Variants in PTPN12 observed in about 807,000 individuals in gnomAD.
The protein encoded by PTPN12 is tyrosine-protein phosphatase non-receptor type 12.
In PTPN12, 29 loss-of-function variants were observed where a neutral mutation model predicts 97.6. The ratio of observed to expected loss-of-function variants is 0.30; its 90% CI spans 0.22 to 0.41. PTPN12 has a LOEUF of 0.41. Among genes scored for constraint, PTPN12 ranks in the 10% least tolerant of loss-of-function variants. The pLI, the probability that PTPN12 is intolerant of heterozygous loss-of-function variation, is 1.00. For synonymous variants in PTPN12, 327 were observed against 300.4 expected (o/e 1.09, Z -0.91); for missense variants, 819 against 926.0 (o/e 0.88, Z 1.50).
chr7:77,638,475 T>A, intron 16 of PTPN12, 149 bp from the exon 17 acceptor site: 2 of 1,217,748 alleles, frequency 1.6e-6, no homozygotes, highest in Non-Finnish European at 2.1e-6. Flanking sequence ...TACACTTGTA[T>A]TTATATTGTT....
intron 6 of PTPN12, among the ~76,000 whole-genome samples, chr7:77,593,513 G>A (rs1356363125): frequency 6.6e-6 from 1 of 152,234 alleles, no homozygotes; most frequent in Non-Finnish European, 1.5e-5. Flanking sequence ...TGGAGACCCA[G>A]GAGAGCTGAT....
At chr7:77,539,134 T>G (rs1806824652) in intron 1 of PTPN12, among the ~76,000 whole-genome samples, 1 of 152,184 alleles carries the variant, frequency 6.6e-6, no homozygotes, top group East Asian at 1.9e-4. Flanking sequence ...TTTTTCACGT[T>G]TTAAAGAGAC....
chr7:77,638,942 G>T, intron 17 of PTPN12: 1 of 881,564 alleles, frequency 1.1e-6, no homozygotes, highest in Non-Finnish European at 1.6e-6. Flanking sequence ...AAAATCTTTT[G>T]TGTTGGAAAG....
intron 11 of PTPN12, among the ~76,000 whole-genome samples, chr7:77,616,635 C>T (rs981870882): frequency 1.3e-5 from 2 of 152,178 alleles, no homozygotes; most frequent in Non-Finnish European, 2.9e-5. Context: ...ATGTTAGAAA[C>T]AGTTCAAAAG....
intron 2 of PTPN12, among the ~76,000 whole-genome samples, chr7:77,576,853 C>T (rs768444129): frequency 1.3e-5 from 2 of 152,196 alleles, no homozygotes; most frequent in African/African-American, 2.4e-5. Context: ...AAGGGTGCCA[C>T]TTAACAAACT....
intron 2 of PTPN12, among the ~76,000 whole-genome samples, chr7:77,572,738 T>C (rs755602507): frequency 2.0e-5 from 3 of 152,286 alleles, no homozygotes; most frequent in African/African-American, 7.2e-5. Flanking sequence ...ATGGAGATTA[T>C]AATAATACTT....
chr7:77,582,783 CAA>C (rs374857749), intron 3 of PTPN12, among the ~76,000 whole-genome samples: 9 of 98,700 alleles, frequency 9.1e-5, no homozygotes, highest in East Asian at 2.9e-4. Context: ...GACTCCGTCT[CAA>C]AAAAAAAAAA....
chr7:77,637,061 A>ATT lies in PTPN12; in HGVS notation c.2173+22_2173+23dup. On this transcript the variant is annotated intron_variant, in intron 16 of 17. Coordinates refer to ENST00000248594, the MANE Select transcript of PTPN12 (RefSeq NM_002835.4). ...AATGAGAAATGTGGTAAGTTGTTAG[A>ATT]TTTTTTTTTTCCTTTTTACTGTAGA... is the stretch of plus-strand genomic sequence containing the variant. 10 of 1,541,528 alleles carry ATT rather than the reference A, an allele frequency of 6.5e-6. No individual in the cohort carries two copies. The highest frequency in any genetic ancestry group is 1.4e-5 in the African/African-American group (1 of 72,724).
At chr7:77,597,222 C>A (rs1021115227) in intron 6 of PTPN12, among the ~76,000 whole-genome samples, 1 of 152,202 alleles carries the variant, frequency 6.6e-6, no homozygotes, top group African/African-American at 2.4e-5. Flanking sequence ...CTCCTGGGTT[C>A]AAGCAATTCT....
intron 5 of PTPN12, among the ~76,000 whole-genome samples, chr7:77,586,583 A>C (rs1787700028): frequency 6.6e-6 from 1 of 152,160 alleles, no homozygotes; most frequent in Admixed American, 6.5e-5. Context: ...TCCACCTATA[A>C]AAACATAAAA....
Position 77,559,132 on chromosome 7 carries a change from C to G in PTPN12, c.100-11946C>G, listed in dbSNP as rs76289605. 3.2e-4 allele frequency among the ~76,000 whole-genome samples: 48 copies of G among 152,274 alleles called. No individual in the cohort carries two copies. The East Asian group carries it at 6.0e-3, about 19-fold the overall frequency. Reference sequence around the variant, plus strand: ...CTGTGTAACCAGCCTCCAATAAAAGCCTTGGGCACTTTATTTCTAATGCGC... The same window carrying G: ...CTGTGTAACCAGCCTCCAATAAAAGGCTTGGGCACTTTATTTCTAATGCGC... On this transcript the variant is annotated intron_variant, in intron 1 of 17. Coordinates refer to ENST00000248594, the MANE Select transcript of PTPN12 (RefSeq NM_002835.4).
At chr7:77,545,135 CTT>C (rs1207254682) in intron 1 of PTPN12, among the ~76,000 whole-genome samples, 3 of 152,176 alleles carry the variant, frequency 2.0e-5, no homozygotes, top group African/African-American at 7.2e-5. Context: ...AATAAAATGT[CTT>C]TTAAACTTTT....
intron 1 of PTPN12, among the ~76,000 whole-genome samples, chr7:77,543,859 A>G (rs540472460): frequency 2.3e-4 from 35 of 152,150 alleles, no homozygotes; most frequent in Non-Finnish European, 4.9e-4. Flanking sequence ...TGGCCTTTTT[A>G]TGGCTGAATA....
intron 1 of PTPN12, among the ~76,000 whole-genome samples, chr7:77,541,757 T>G (rs1191003338): frequency 6.6e-6 from 1 of 152,202 alleles, no homozygotes; most frequent in Non-Finnish European, 1.5e-5. Context: ...TCTATGAGTG[T>G]CTATTCCTGG....
chr7:77,597,737 A>G (rs573522877), intron 6 of PTPN12, 105 bp from the exon 7 acceptor site: 1 of 1,326,134 alleles, frequency 7.5e-7, no homozygotes, highest in Non-Finnish European at 9.9e-7. Context: ...GGAATTTTAA[A>G]GATTAATTTT....
At chr7:77,621,203 C>T (rs192807727) in intron 12 of PTPN12, among the ~76,000 whole-genome samples, 48 of 152,226 alleles carry the variant, frequency 3.2e-4, no homozygotes, top group African/African-American at 1.1e-3. Flanking sequence ...ATCAATATCA[C>T]TGCCTTCTGC....
intron 8 of PTPN12, among the ~76,000 whole-genome samples, chr7:77,605,960 T>TTG (rs1468582473): frequency 1.4e-5 from 2 of 139,634 alleles, no homozygotes; most frequent in African/African-American, 5.4e-5. Flanking sequence ...TTTTTTTTTT[T>TTG]TTTTTTTTTT....
intron 8 of PTPN12, among the ~76,000 whole-genome samples, chr7:77,605,943 ATCTTTT>A (rs1788357119): frequency 1.2e-5 from 1 of 84,440 alleles, no homozygotes; most frequent in Non-Finnish European, 2.2e-5. Context: ...AACAAGAGCC[ATCTTTT>A]TTTTTTTTTT....
At chr7:77,611,573 T>C (rs372236104) in intron 11 of PTPN12, among the ~76,000 whole-genome samples, 3 of 152,304 alleles carry the variant, frequency 2.0e-5, no homozygotes. Flanking sequence ...GCCTCCTGAG[T>C]AGCTGGGATT....
Sources: gnomAD v4.1 joint callset for allele counts (sites outside exome capture counted in the v4.1 genomes callset) on GRCh38, gnomAD v4.1.1 for gene constraint, MANE v1.5 for transcripts, NCBI Gene and HGNC (gene_info 2026-07-23, HGNC 2026-07-21) for gene names.